HHLA2: variants seen among roughly 807,000 people sequenced by gnomAD.
HHLA2 encodes the protein HHLA2 member of B7 family.
HHLA2 carries 48 observed loss-of-function variants against 45.9 expected under a neutral mutation model. The ratio of observed to expected loss-of-function variants is 1.05; its 90% CI spans 0.83 to 1.33. The LOEUF (loss-of-function observed/expected upper bound fraction) is 1.33, where lower values mean the gene tolerates loss of function less well. HHLA2 is among the 40% of genes most tolerant of loss of function. HHLA2 has a pLI of 0.00. For synonymous variants in HHLA2, 161 were observed against 173.9 expected, an observed-to-expected ratio of 0.93 and a Z score of 0.59; for missense variants, 462 against 494.3, an observed-to-expected ratio of 0.93 and a Z score of 0.62.
chr3:108,369,497 G>C (rs1279274873), intron 8 of HHLA2, among the ~76,000 whole-genome samples: 1 of 152,182 alleles, frequency 6.6e-6, no homozygotes. Flanking sequence ...CCATGTGTGA[G>C]CCAAAGCAGG....
intron 3 of HHLA2, among the ~76,000 whole-genome samples, chr3:108,337,862 TA>T (rs2081500831): frequency 6.6e-6 from 1 of 152,126 alleles, no homozygotes; most frequent in Non-Finnish European, 1.5e-5. Context: ...CCTTCTTGCT[TA>T]TGTCCTAAAC....
intron 3 of HHLA2, among the ~76,000 whole-genome samples, chr3:108,335,660 G>C (rs2081459924): frequency 6.6e-6 from 1 of 152,176 alleles, no homozygotes; most frequent in Non-Finnish European, 1.5e-5. Context: ...TCCAGAACAT[G>C]AGACAGTTAA....
At chr3:108,309,874 G>A (rs1200774261) in intron 1 of HHLA2, among the ~76,000 whole-genome samples, 1 of 152,160 alleles carries the variant, frequency 6.6e-6, no homozygotes, top group African/African-American at 2.4e-5. Flanking sequence ...CCACCTCTTG[G>A]AGGAGGGTAG....
At chr3:108,377,134 C>G in intron 10 of HHLA2, 124 bp from the exon 10 acceptor site, 1 of 644,448 alleles carries the variant, frequency 1.6e-6, no homozygotes, top group Non-Finnish European at 2.8e-6. Context: ...ATTTCAGATG[C>G]AAGCAATAGA....
At chr3:108,326,996 G>A (rs766681076) in intron 2 of HHLA2, among the ~76,000 whole-genome samples, 23 of 151,718 alleles carry the variant, frequency 1.5e-4, no homozygotes, top group Non-Finnish European at 2.4e-4. Flanking sequence ...TTCACTTAGT[G>A]CAGTTCTACT....
At chr3:108,316,029 A>C (rs978233281) in intron 2 of HHLA2, among the ~76,000 whole-genome samples, 7 of 151,806 alleles carry the variant, frequency 4.6e-5, no homozygotes, top group African/African-American at 1.7e-4. Flanking sequence ...TTATTTATTT[A>C]CACCCTACAT....
chr3:108,349,165 AC>A (rs1201993405), intron 3 of HHLA2, among the ~76,000 whole-genome samples: 3 of 151,486 alleles, frequency 2.0e-5, no homozygotes, highest in African/African-American at 7.3e-5. Context: ...AGGTAGAGGA[AC>A]AAAAAACCCT....
chr3:108,319,152 G>A (rs569480670), intron 2 of HHLA2, among the ~76,000 whole-genome samples: 2 of 152,112 alleles, frequency 1.3e-5, no homozygotes, highest in Non-Finnish European at 2.9e-5. Flanking sequence ...AGAATATGAG[G>A]GCCTGGGTGG....
intron 8 of HHLA2, among the ~76,000 whole-genome samples, chr3:108,374,710 C>A (rs1280245345): frequency 6.7e-6 from 1 of 148,342 alleles, no homozygotes; most frequent in African/African-American, 2.5e-5. Context: ...ATTTATGCAG[C>A]CAAAAAACAC....
chr3:108,366,895 A>ATTTT (rs2082072722), intron 8 of HHLA2, among the ~76,000 whole-genome samples: 1 of 151,780 alleles, frequency 6.6e-6, no homozygotes, highest in Non-Finnish European at 1.5e-5. Context: ...CAGTCTATCT[A>ATTTT]TTTTGTTAAT....
intron 3 of HHLA2, among the ~76,000 whole-genome samples, chr3:108,349,346 T>A (rs1220143240): frequency 6.6e-6 from 1 of 151,956 alleles, no homozygotes; most frequent in African/African-American, 2.4e-5. Context: ...CAAACTACCA[T>A]CAGATAATAC....
At chr3:108,326,638 A>T (rs1240562087) in intron 2 of HHLA2, 1 of 152,872 alleles carries the variant, frequency 6.5e-6, no homozygotes, top group East Asian at 1.9e-4. Flanking sequence ...GACATATGGG[A>T]CAACCCAAAA....
intron 8 of HHLA2, among the ~76,000 whole-genome samples, chr3:108,374,138 C>T (rs1375617447): frequency 6.6e-6 from 1 of 150,542 alleles, no homozygotes. Context: ...GAGATATAGA[C>T]CAATGGAACA....
intron 1 of HHLA2, among the ~76,000 whole-genome samples, chr3:108,303,870 T>A (rs940845143): frequency 2.0e-5 from 3 of 152,182 alleles, no homozygotes; most frequent in Admixed American, 2.0e-4. Flanking sequence ...GCAACCACCA[T>A]CGCCACCACC....
chr3:108,312,944 AAC>A (rs140644352), intron 2 of HHLA2, among the ~76,000 whole-genome samples: 15,987 of 152,094 alleles, frequency 0.11, 1,576 homozygotes, highest in East Asian at 0.52. Flanking sequence ...AAACTAAAAA[AAC>A]ACAACAGCTG....
intron 3 of HHLA2, among the ~76,000 whole-genome samples, chr3:108,339,213 CTT>C (rs751519018): frequency 2.6e-5 from 4 of 152,142 alleles, no homozygotes; most frequent in Non-Finnish European, 5.9e-5. Flanking sequence ...GAGGAAATAA[CTT>C]TTTGGAACCA....
At chr3:108,338,175 A>C (rs1232849205) in intron 3 of HHLA2, among the ~76,000 whole-genome samples, 2 of 151,718 alleles carry the variant, frequency 1.3e-5, no homozygotes, top group African/African-American at 4.8e-5. Context: ...TCATAGATAT[A>C]TAGATTTGAT....
At chr3:108,301,114 G>C (rs1267404942) in intron 1 of HHLA2, among the ~76,000 whole-genome samples, 1 of 152,078 alleles carries the variant, frequency 6.6e-6, no homozygotes, top group Non-Finnish European at 1.5e-5. Flanking sequence ...CTTAAAATTT[G>C]AGTGTGAGGA....
intron 1 of HHLA2, among the ~76,000 whole-genome samples, chr3:108,301,519 TAG>T (rs2080848065): frequency 6.6e-6 from 1 of 152,092 alleles, no homozygotes; most frequent in East Asian, 1.9e-4. Flanking sequence ...TCTTACCCCT[TAG>T]TTCCTCCCCA....
Sources: gnomAD v4.1 joint callset for allele counts (sites outside exome capture counted in the v4.1 genomes callset) on GRCh38, gnomAD v4.1.1 for gene constraint, MANE v1.5 for transcripts, NCBI Gene and HGNC (gene_info 2026-07-23, HGNC 2026-07-21) for gene names.